CRIM1: variants seen among roughly 807,000 people sequenced by gnomAD.
CRIM1 encodes cysteine rich transmembrane BMP regulator 1, also known as cysteine-rich motor neuron 1 protein.
A neutral mutation model predicts 116.4 loss-of-function variants in CRIM1; 32 were observed. The observed-to-expected ratio is 0.27, with a 90% CI of 0.21 to 0.37. The LOEUF (loss-of-function observed/expected upper bound fraction) is 0.37. CRIM1 is among the 10% of genes least tolerant of loss of function. The pLI is 1.00. For missense variants in CRIM1, 1,331 were observed against 1,354.8 expected (o/e 0.98, Z 0.28); for synonymous variants, 590 against 509.2 (o/e 1.16, Z -2.13).
chr2:36,392,850 A>G (rs1233132894), intron 1 of CRIM1, among the ~76,000 whole-genome samples: 8 of 152,180 alleles, frequency 5.3e-5, no homozygotes, highest in Non-Finnish European at 1.0e-4. Context: ...AGAAAATAAA[A>G]GTGTCTACGA....
intron 1 of CRIM1, among the ~76,000 whole-genome samples, chr2:36,373,745 G>A (rs918474295): frequency 3.9e-5 from 6 of 152,238 alleles, no homozygotes; most frequent in Non-Finnish European, 7.4e-5. Flanking sequence ...GGACAGCTAT[G>A]CACACGTTGG....
intron 1 of CRIM1, among the ~76,000 whole-genome samples, chr2:36,368,198 C>T (rs1258117786): frequency 6.6e-6 from 1 of 152,156 alleles, no homozygotes; most frequent in African/African-American, 2.4e-5. Context: ...GGTGTGGGGT[C>T]GCTGGCCAAA....
chr2:36,410,574 C>T (rs185083529), intron 2 of CRIM1, among the ~76,000 whole-genome samples: 1 of 151,688 alleles, frequency 6.6e-6, no homozygotes, highest in East Asian at 1.9e-4. Flanking sequence ...AATGTGTGCC[C>T]ATGTTCTGTT....
chr2:36,433,224 GCAAGCTCC>G (rs79245047), intron 2 of CRIM1, among the ~76,000 whole-genome samples: 24,686 of 152,020 alleles, frequency 0.16, 2,176 homozygotes, highest in East Asian at 0.46. Flanking sequence ...TGCATTTCCA[GCAAGCTCC>G]CAAGCTCCCA....
intron 1 of CRIM1, among the ~76,000 whole-genome samples, chr2:36,370,760 C>T: frequency 6.6e-6 from 1 of 152,128 alleles, no homozygotes; most frequent in South Asian, 2.1e-4. Flanking sequence ...AGGATGACCA[C>T]TAGTTAAGAA....
At chr2:36,383,155 T>C (rs1670912017) in intron 1 of CRIM1, among the ~76,000 whole-genome samples, 1 of 152,224 alleles carries the variant, frequency 6.6e-6, no homozygotes. Flanking sequence ...GGAATACATA[T>C]TTCTGTAGCA....
At chr2:36,497,188 A>C (rs555787830) in intron 7 of CRIM1, among the ~76,000 whole-genome samples, 3 of 151,856 alleles carry the variant, frequency 2.0e-5, no homozygotes, top group African/African-American at 7.3e-5. Flanking sequence ...AGATATGCTT[A>C]AGACATTTCT....
chr2:36,470,074 C>G (rs933802648), intron 5 of CRIM1, among the ~76,000 whole-genome samples: 1 of 152,160 alleles, frequency 6.6e-6, no homozygotes, highest in Non-Finnish European at 1.5e-5. Context: ...TGAGGCTAGT[C>G]CACATTCACA....
chr2:36,496,075 A>G (rs978739520), intron 7 of CRIM1, among the ~76,000 whole-genome samples: 1 of 152,104 alleles, frequency 6.6e-6, no homozygotes, highest in Non-Finnish European at 1.5e-5. Context: ...AATGTGTACA[A>G]CTCAACAGTT....
chr2:36,420,107 C>G (rs2124853523), intron 2 of CRIM1, among the ~76,000 whole-genome samples: 1 of 152,302 alleles, frequency 6.6e-6, no homozygotes, highest in South Asian at 2.1e-4. Flanking sequence ...ACTTCCTGCC[C>G]TCTTTCTTCT....
At chr2:36,371,556 G>A (rs1669949292) in intron 1 of CRIM1, among the ~76,000 whole-genome samples, 1 of 152,226 alleles carries the variant, frequency 6.6e-6, no homozygotes, top group Admixed American at 6.5e-5. Flanking sequence ...CCAGTGAGAA[G>A]CCATAGCATT....
chr2:36,446,018 G>A (rs1460426790), intron 4 of CRIM1, among the ~76,000 whole-genome samples: 11 of 152,324 alleles, frequency 7.2e-5, no homozygotes, highest in Admixed American at 6.5e-4. Flanking sequence ...AGCTGATTAT[G>A]TGGAGAAATC....
At chr2:36,511,590 T>C (rs970387513) in intron 9 of CRIM1, among the ~76,000 whole-genome samples, 1 of 152,178 alleles carries the variant, frequency 6.6e-6, no homozygotes, top group Non-Finnish European at 1.5e-5. Context: ...CCAACCGTCA[T>C]GTTGGAGAAA....
At chr2:36,394,292 C>T (rs946068978) in intron 1 of CRIM1, among the ~76,000 whole-genome samples, 11 of 152,044 alleles carry the variant, frequency 7.2e-5, no homozygotes, top group African/African-American at 2.7e-4. Context: ...GGCTAAACTG[C>T]CTTTCAGTTA....
At chr2:36,398,446 T>C (rs1392063095) in intron 2 of CRIM1, among the ~76,000 whole-genome samples, 2 of 152,162 alleles carry the variant, frequency 1.3e-5, no homozygotes, top group African/African-American at 4.8e-5. Flanking sequence ...CATTTGTAAT[T>C]AGTTAGGCGT....
intron 7 of CRIM1, among the ~76,000 whole-genome samples, chr2:36,497,773 G>A (rs961080451): frequency 6.6e-6 from 1 of 152,202 alleles, no homozygotes; most frequent in Non-Finnish European, 1.5e-5. Context: ...ATCGTTGCCT[G>A]CTACCTGTGA....
intron 1 of CRIM1, among the ~76,000 whole-genome samples, chr2:36,395,352 G>C (rs1380108240): frequency 7.9e-5 from 12 of 152,056 alleles, no homozygotes. Context: ...TTGAGCAAGA[G>C]GTTTAAGGTT....
intron 11 of CRIM1, among the ~76,000 whole-genome samples, chr2:36,515,897 T>C (rs1665003148): frequency 1.3e-5 from 2 of 152,256 alleles, no homozygotes; most frequent in South Asian, 4.1e-4. Context: ...CGATACTCTT[T>C]GGGACTTTTT....
At chr2:36,496,008 A>G (rs1464810890) in intron 7 of CRIM1, among the ~76,000 whole-genome samples, 1 of 152,210 alleles carries the variant, frequency 6.6e-6, no homozygotes, top group Non-Finnish European at 1.5e-5. Flanking sequence ...GACGAAAGGC[A>G]GTACACTATA....
Sources: allele counts gnomAD v4.1 joint callset (sites outside exome capture counted in the v4.1 genomes callset), GRCh38; gene constraint gnomAD v4.1.1; transcripts MANE v1.5; gene names NCBI Gene and HGNC (gene_info 2026-07-23, HGNC 2026-07-21).